Variants in RTL4 observed in about 807,000 individuals in gnomAD.
RTL4 encodes retrotransposon Gag like 4.
Under a neutral mutation model 5.3 loss-of-function variants are expected in RTL4, and 4 were observed. The observed-to-expected ratio is 0.75, with a 90% CI of 0.37 to 1.72. The LOEUF (loss-of-function observed/expected upper bound fraction) is 1.72. Among genes scored for constraint, RTL4 ranks in the 40% most tolerant of loss-of-function variants. The probability of loss-of-function intolerance (pLI) is 0.04; values close to 1 mark genes in which losing one functional copy is unlikely to be tolerated. For synonymous variants in RTL4, 98 were observed against 87.3 expected (o/e 1.12, Z -0.68); for missense variants, 260 against 227.1 (o/e 1.14, Z -0.93).
the RTL4 span, among the ~76,000 whole-genome samples, chrX:112,268,158 T>C: frequency 3.6e-5 from 4 of 111,838 alleles, no homozygotes; most frequent in Admixed American, 9.5e-5. Flanking sequence ...TTATGTACTC[T>C]GACCTTATCT....
chrX:112,380,893 G>A, the RTL4 span, among the ~76,000 whole-genome samples: 1 of 112,055 alleles, frequency 8.9e-6, no homozygotes, highest in African/African-American at 3.2e-5. Context: ...AAGGCCAGAA[G>A]AGATGGGGTC....
the RTL4 span, among the ~76,000 whole-genome samples, chrX:112,444,309 T>G: frequency 8.9e-6 from 1 of 111,906 alleles, no homozygotes; most frequent in South Asian, 3.7e-4. Flanking sequence ...AACGTTTCTG[T>G]TTTTATGCCA....
the RTL4 span, among the ~76,000 whole-genome samples, chrX:112,313,643 T>A: frequency 9.1e-6 from 1 of 110,417 alleles, no homozygotes; most frequent in African/African-American, 3.3e-5. Context: ...TCACTCACTC[T>A]CTCTCTGTCT....
the RTL4 span, among the ~76,000 whole-genome samples, chrX:112,166,830 G>T: frequency 8.9e-6 from 1 of 111,839 alleles, no homozygotes; most frequent in South Asian, 3.8e-4. Context: ...ATGAGTTGAT[G>T]TATACCAGGT....
At chrX:112,106,192 G>A in the RTL4 span, among the ~76,000 whole-genome samples, 1 of 112,077 alleles carries the variant, frequency 8.9e-6, no homozygotes, top group Non-Finnish European at 1.9e-5. Context: ...TGTGTATGTT[G>A]CATCAACCTT....
At chrX:112,234,123 C>T in the RTL4 span, among the ~76,000 whole-genome samples, 3 of 110,654 alleles carry the variant, frequency 2.7e-5, no homozygotes, top group East Asian at 2.8e-4. Flanking sequence ...ACCCGGGAGG[C>T]GGAAGTTGCA....
the RTL4 span, among the ~76,000 whole-genome samples, chrX:112,227,585 C>T: frequency 9.0e-6 from 1 of 111,671 alleles, no homozygotes; most frequent in Non-Finnish European, 1.9e-5. Context: ...TAAAGTCTTT[C>T]CAGAATGTTC....
chrX:112,252,850 T>G, the RTL4 span, among the ~76,000 whole-genome samples: 1 of 111,053 alleles, frequency 9.0e-6, no homozygotes, highest in African/African-American at 3.3e-5. Flanking sequence ...ACCTCCCCTT[T>G]TATACCTTGG....
the RTL4 span, among the ~76,000 whole-genome samples, chrX:112,146,262 GGTGCCT>G: frequency 9.0e-6 from 1 of 111,155 alleles, no homozygotes; most frequent in Non-Finnish European, 1.9e-5. Flanking sequence ...AAGAGAGAAA[GGTGCCT>G]GTTTTTGGTT....
chrX:112,277,908 A>C, the RTL4 span, among the ~76,000 whole-genome samples: 1 of 111,923 alleles, frequency 8.9e-6, no homozygotes, highest in African/African-American at 3.2e-5. Context: ...TGTTCAGAAA[A>C]AGGATTCAAA....
At chrX:112,122,824 C>G in the RTL4 span, among the ~76,000 whole-genome samples, 2 of 110,565 alleles carry the variant, frequency 1.8e-5, no homozygotes, top group Non-Finnish European at 3.8e-5. Flanking sequence ...TGTTTATATG[C>G]CTGTATATTG....
chrX:112,133,763 T>G, the RTL4 span, among the ~76,000 whole-genome samples: 1 of 112,242 alleles, frequency 8.9e-6, no homozygotes, highest in South Asian at 3.7e-4. Flanking sequence ...GAAAATTTAG[T>G]GAATTAATAT....
the RTL4 span, among the ~76,000 whole-genome samples, chrX:112,119,010 ATTT>A: frequency 0.03 from 2,712 of 91,919 alleles, 120 homozygotes; most frequent in African/African-American, 0.11. Flanking sequence ...CACCCAGCTA[ATTT>A]TTTTTTTTTT....
At chrX:112,362,796 C>T in the RTL4 span, among the ~76,000 whole-genome samples, 1 of 110,984 alleles carries the variant, frequency 9.0e-6, no homozygotes, top group Non-Finnish European at 1.9e-5. Context: ...GTCAACCATC[C>T]TGGTTTTCCT....
the RTL4 span, among the ~76,000 whole-genome samples, chrX:112,202,111 C>G: frequency 9.0e-6 from 1 of 110,961 alleles, no homozygotes; most frequent in African/African-American, 3.3e-5. Context: ...CTTTAATAAC[C>G]AAACTCACCT....
At chrX:112,258,108 G>A in the RTL4 span, among the ~76,000 whole-genome samples, 1 of 110,133 alleles carries the variant, frequency 9.1e-6, no homozygotes, top group African/African-American at 3.3e-5. Flanking sequence ...TCAGCTTAGA[G>A]AGTGTTTTCC....
the RTL4 span, among the ~76,000 whole-genome samples, chrX:112,426,295 T>C: frequency 1.8e-5 from 2 of 111,531 alleles, no homozygotes; most frequent in African/African-American, 6.5e-5. Context: ...ATTTATTCTT[T>C]CACCAATACC....
At chrX:112,327,994 C>T in the RTL4 span, among the ~76,000 whole-genome samples, 1 of 106,543 alleles carries the variant, frequency 9.4e-6, no homozygotes, top group Admixed American at 1.0e-4. Context: ...CCTAAAAGAG[C>T]TCCTGAAGGA....
the RTL4 span, among the ~76,000 whole-genome samples, chrX:112,344,675 CTA>C: frequency 8.9e-6 from 1 of 112,213 alleles, no homozygotes; most frequent in Non-Finnish European, 1.9e-5. Context: ...GGAGACAAAT[CTA>C]AACCATATCA....
Sources: gnomAD v4.1 joint callset for allele counts (sites outside exome capture counted in the v4.1 genomes callset) on GRCh38, gnomAD v4.1.1 for gene constraint, MANE v1.5 for transcripts, NCBI Gene and HGNC (gene_info 2026-07-23, HGNC 2026-07-21) for gene names.